The following ANTXR2 variants were observed in gnomAD, a reference collection of about 807,000 sequenced individuals.
ANTXR2 encodes the protein ANTXR cell adhesion molecule 2.
Under a neutral mutation model 73.7 loss-of-function variants are expected in ANTXR2, and 44 were observed. That is an observed-to-expected ratio of 0.60 (90% CI 0.47 to 0.77). The LOEUF (loss-of-function observed/expected upper bound fraction) is 0.77. ANTXR2 is among the 30% of genes least tolerant of loss of function. The pLI is 0.00. For synonymous variants in ANTXR2, 217 were observed against 205.9 expected (o/e 1.05, Z -0.46); for missense variants, 604 against 592.5 (o/e 1.02, Z -0.20).
intron 10 of ANTXR2, among the ~76,000 whole-genome samples, chr4:80,019,292 G>A (rs1732041817): frequency 6.6e-6 from 1 of 152,180 alleles, no homozygotes; most frequent in Admixed American, 6.5e-5. Context: ...GCTGGAACCT[G>A]GGAGGCGGAG....
At chr4:80,066,924 G>A (rs558740699) in intron 3 of ANTXR2, among the ~76,000 whole-genome samples, 1 of 151,952 alleles carries the variant, frequency 6.6e-6, no homozygotes, top group East Asian at 1.9e-4. Flanking sequence ...CTGGTGAGGT[G>A]CAGTGGCTCA....
rs758944263 is a variant in ANTXR2, at chr4:79,984,905, G to C, written c.1042-42C>G. The C allele has an allele frequency of 2.4e-5, 35 of 1,452,726 alleles. 1 individual carries two copies. The highest frequency in any genetic ancestry group is 1.6e-4 in the South Asian group (13 of 80,570). The allele number at this position is 1,452,726 out of a possible 1,614,324, so 90.0% of individuals were successfully genotyped here. A position where few individuals can be genotyped will look rare whatever the true frequency, so the allele number is the denominator to read the frequency against. On this transcript the variant is annotated intron_variant, in intron 12 of 16. Coordinates refer to ENST00000403729, the MANE Select transcript of ANTXR2 (RefSeq NM_058172.6). The stretch of plus-strand genomic sequence containing the variant: ...AATATAAAAATTTCTATGGCATAGA[G>C]AGGAGATAGTAAGGATGTGTAAAAA...
At chr4:80,019,440 C>T (rs559177259) in intron 10 of ANTXR2, among the ~76,000 whole-genome samples, 1 of 152,290 alleles carries the variant, frequency 6.6e-6, no homozygotes, top group East Asian at 1.9e-4. Context: ...TAGTTCTAGT[C>T]TTTACTTATT....
intron 7 of ANTXR2, among the ~76,000 whole-genome samples, chr4:80,040,564 A>T (rs1733190452): frequency 6.6e-6 from 1 of 152,084 alleles, no homozygotes. Context: ...TAGTAAAAGA[A>T]AATAGTTTCT....
chr4:79,926,921 A>G (rs13144476), intron 16 of ANTXR2, among the ~76,000 whole-genome samples: 33,748 of 95,422 alleles, frequency 0.35, 6,717 homozygotes, highest in East Asian at 0.81. Flanking sequence ...ATATATGTGT[A>G]TATATACACA....
intron 16 of ANTXR2, among the ~76,000 whole-genome samples, chr4:79,921,935 C>T (rs1727608579): frequency 1.3e-5 from 2 of 152,018 alleles, no homozygotes; most frequent in African/African-American, 4.8e-5. Context: ...TCATTTATTA[C>T]ATCTAGTAAT....
chr4:79,929,295 A>G (rs1727964773), intron 16 of ANTXR2, among the ~76,000 whole-genome samples: 1 of 152,148 alleles, frequency 6.6e-6, no homozygotes, highest in Non-Finnish European at 1.5e-5. Context: ...CGGGTGAATC[A>G]CTAGGTCAGG....
At chr4:79,946,756 G>A (rs1174225421) in intron 16 of ANTXR2, among the ~76,000 whole-genome samples, 2 of 152,094 alleles carry the variant, frequency 1.3e-5, no homozygotes, top group East Asian at 3.9e-4. Context: ...ACACGAATAG[G>A]TGATGAACCA....
chr4:80,071,480 A>T (rs892310064), intron 2 of ANTXR2, 103 bp downstream of exon 2: 73 of 955,860 alleles, frequency 7.6e-5, no homozygotes, highest in Non-Finnish European at 1.1e-4. Context: ...ACTTAAAAGT[A>T]ACATTTCAGG....
In ANTXR2 at chr4:80,055,158, G is replaced by T; in HGVS notation, c.547C>A (p.Gln183Lys). 6.4e-7 allele frequency: 1 copy of T among 1,560,400 alleles called. No homozygotes were observed. Among genetic ancestry groups the T allele is most frequent in the Non-Finnish European group, 8.7e-7 (1 of 1,150,852 alleles). The change falls in exon 6 of 17, where the codon CAA (glutamine) becomes AAA (lysine). Residue 183 changes from glutamine to lysine, a missense_variant. Transcript: ENST00000403729. ...GATCTCTTGTAACTTACCTGTGCTTGTTCAAAATCAAGGACACCAACACAA... is the reference window on the plus strand; with the variant it reads ...GATCTCTTGTAACTTACCTGTGCTTTTTCAAAATCAAGGACACCAACACAA... ...VYCVGVLDFEQAQLERIADSK... is the reference protein window; with the variant it reads ...VYCVGVLDFEKAQLERIADSK...
At chr4:80,019,837 A>G (rs1314373013) in intron 10 of ANTXR2, among the ~76,000 whole-genome samples, 3 of 152,210 alleles carry the variant, frequency 2.0e-5, no homozygotes, top group Non-Finnish European at 2.9e-5. Context: ...TATTATAGTT[A>G]AAATATAGTT....
At chr4:79,926,022 A>G (rs1339499924) in intron 16 of ANTXR2, among the ~76,000 whole-genome samples, 1 of 152,110 alleles carries the variant, frequency 6.6e-6, no homozygotes, top group Non-Finnish European at 1.5e-5. Flanking sequence ...AATGACTTCA[A>G]TGTTGTATGT....
chr4:80,011,022 C>G (rs1272955335), intron 11 of ANTXR2, among the ~76,000 whole-genome samples: 1 of 151,924 alleles, frequency 6.6e-6, no homozygotes. Context: ...TGGTGGGCGC[C>G]TGTAGTCCCA....
In ANTXR2 at chr4:79,973,465, G is replaced by GTGCGATCTCAGCTCACTAC. The variant is rs531162036; in HGVS notation, c.1428+4137_1428+4155dup. Among the ~76,000 whole-genome samples the GTGCGATCTCAGCTCACTAC allele has an allele frequency of 4.0e-5, 6 of 151,868 alleles. No homozygotes were observed. The East Asian group carries it at 7.7e-4, about 20-fold the overall frequency. ...CTGTTGTCCAGGCTGGAGGGCAGTGGTGCGATCTCAGCTCACTACTGCGAT... is the reference window on the plus strand; with the variant it reads ...CTGTTGTCCAGGCTGGAGGGCAGTGGTGCGATCTCAGCTCACTACTGCGATCTCAGCTCACTACTGCGAT... On this transcript the variant is annotated intron_variant, in intron 16 of 16. Coordinates refer to ENST00000403729, the MANE Select transcript of ANTXR2 (RefSeq NM_058172.6).
chr4:79,984,889 AT>A (rs1265344903), intron 12 of ANTXR2, 26 bp from the exon 13 acceptor site: 41 of 1,551,134 alleles, frequency 2.6e-5, no homozygotes, highest in Non-Finnish European at 3.5e-5. Flanking sequence ...AAATATAAAA[AT>A]TTCTATGGCA....
At chr4:79,991,547 A>G (rs1214967600) in intron 12 of ANTXR2, among the ~76,000 whole-genome samples, 1 of 152,138 alleles carries the variant, frequency 6.6e-6, no homozygotes, top group Non-Finnish European at 1.5e-5. Flanking sequence ...CAGTTTGAAG[A>G]TTTCTCAGAG....
intron 7 of ANTXR2, 108 bp downstream of exon 7, chr4:80,054,164 T>C: frequency 1.2e-6 from 1 of 811,630 alleles, no homozygotes; most frequent in Non-Finnish European, 1.9e-6. Context: ...TTCCTTAATC[T>C]CTTTCCTCTA....
At chr4:80,050,444 A>C (rs1733721218) in intron 7 of ANTXR2, among the ~76,000 whole-genome samples, 1 of 151,612 alleles carries the variant, frequency 6.6e-6, no homozygotes, top group Non-Finnish European at 1.5e-5. Flanking sequence ...TGCCCGACAG[A>C]AGGATCAGGA....
At chr4:80,011,831 C>G (rs1464323825) in intron 11 of ANTXR2, among the ~76,000 whole-genome samples, 1 of 152,194 alleles carries the variant, frequency 6.6e-6, no homozygotes, top group African/African-American at 2.4e-5. Context: ...ATGGGAAAGC[C>G]TGAATTTGTA....
Sources: gnomAD v4.1 joint callset for allele counts (sites outside exome capture counted in the v4.1 genomes callset) on GRCh38, gnomAD v4.1.1 for gene constraint, MANE v1.5 for transcripts, NCBI Gene and HGNC (gene_info 2026-07-23, HGNC 2026-07-21) for gene names.